NDUFAB1: variants seen among roughly 807,000 people sequenced by gnomAD.
The protein encoded by NDUFAB1 is NADH:ubiquinone oxidoreductase subunit AB1.
A neutral mutation model predicts 16.1 loss-of-function variants in NDUFAB1; 5 were observed. The ratio of observed to expected loss-of-function variants is 0.31; its 90% CI spans 0.16 to 0.65. NDUFAB1 has a LOEUF of 0.65. NDUFAB1 is among the 30% of genes least tolerant of loss of function. The pLI is 0.77. For missense variants in NDUFAB1, 187 were observed against 205.3 expected, an observed-to-expected ratio of 0.91 and a Z score of 0.54; for synonymous variants, 85 against 78.4, an observed-to-expected ratio of 1.08 and a Z score of -0.44.
intron 3 of NDUFAB1, among the ~76,000 whole-genome samples, chr16:23,583,128 G>A (rs2142231245): frequency 6.6e-6 from 1 of 152,380 alleles, no homozygotes; most frequent in South Asian, 2.1e-4. Context: ...GCACAATGTT[G>A]CCCAGGCTGG....
At chr16:23,586,301 C>CA (rs909389273) in intron 2 of NDUFAB1, among the ~76,000 whole-genome samples, 24 of 146,698 alleles carry the variant, frequency 1.6e-4, no homozygotes, top group East Asian at 6.0e-4. Flanking sequence ...AAACCCAAAT[C>CA]AAAAAAAAAA....
intron 3 of NDUFAB1, among the ~76,000 whole-genome samples, chr16:23,585,018 C>T (rs1966221262): frequency 6.6e-6 from 1 of 152,188 alleles, no homozygotes. Context: ...AGCATGTGTT[C>T]CGGGGAGGCT....
chr16:23,590,307 C>G (rs1323074884), intron 1 of NDUFAB1, among the ~76,000 whole-genome samples: 1 of 152,208 alleles, frequency 6.6e-6, no homozygotes, highest in Non-Finnish European at 1.5e-5. Flanking sequence ...AGCTCAGACG[C>G]TGAAACTAGA....
At chr16:23,587,900 C>CT in intron 1 of NDUFAB1, among the ~76,000 whole-genome samples, 1 of 152,384 alleles carries the variant, frequency 6.6e-6, no homozygotes, top group East Asian at 1.9e-4. Context: ...ACATTCCAAT[C>CT]TGTTTCCCTT....
At chr16:23,590,638 C>CTATTTCTTCTTTTT (rs574003194) in intron 1 of NDUFAB1, among the ~76,000 whole-genome samples, 47 of 131,848 alleles carry the variant, frequency 3.6e-4, no homozygotes, top group African/African-American at 1.3e-3. Flanking sequence ...CCTCTGGTCT[C>CTATTTCTTCTTTTT]TTTTTTTTTT....
intron 1 of NDUFAB1, among the ~76,000 whole-genome samples, chr16:23,591,311 T>G (rs1297031553): frequency 6.6e-6 from 1 of 152,216 alleles, no homozygotes; most frequent in Non-Finnish European, 1.5e-5. Flanking sequence ...AAGGTACTGT[T>G]TGCAGGTAAA....
At chr16:23,585,492 G>A in intron 2 of NDUFAB1, 69 bp from the exon 3 acceptor site, 1 of 1,048,692 alleles carries the variant, frequency 9.5e-7, no homozygotes, top group Non-Finnish European at 1.5e-6. Context: ...ATAACAGGGT[G>A]GTACAATGCC....
At chr16:23,582,795 C>T (rs1245543144) in intron 3 of NDUFAB1, among the ~76,000 whole-genome samples, 3 of 149,356 alleles carry the variant, frequency 2.0e-5, no homozygotes, top group African/African-American at 7.4e-5. Flanking sequence ...CTCCCTCTCC[C>T]TCTCCCTCTT....
chr16:23,581,751 T>C (rs1269067304), intron 4 of NDUFAB1: 2 of 152,252 alleles, frequency 1.3e-5, no homozygotes, highest in African/African-American at 4.8e-5. Context: ...CCCAGGTAGG[T>C]CCTATCATTA....
At chr16:23,585,252 T>C in intron 3 of NDUFAB1, 84 bp downstream of exon 3, 1 of 996,758 alleles carries the variant, frequency 1.0e-6, no homozygotes, top group African/African-American at 1.6e-5. Context: ...TAATTCTAAT[T>C]CCAATTCAGA....
intron 1 of NDUFAB1, among the ~76,000 whole-genome samples, chr16:23,592,704 T>G (rs548881424): frequency 6.6e-6 from 1 of 152,350 alleles, no homozygotes; most frequent in East Asian, 1.9e-4. Flanking sequence ...TTTGTTTTTT[T>G]GTTTTTTCCT....
At chr16:23,584,682 A>C (rs1360022881) in intron 3 of NDUFAB1, among the ~76,000 whole-genome samples, 2 of 152,166 alleles carry the variant, frequency 1.3e-5, no homozygotes, top group Non-Finnish European at 2.9e-5. Context: ...TACCTGACTA[A>C]GCTCAATTCC....
rs550147664 is a variant in NDUFAB1, at chr16:23,594,599, G to A, written c.168+1524C>T. On this transcript the variant is annotated intron_variant, in intron 1 of 4. Coordinates refer to ENST00000007516, the MANE Select transcript of NDUFAB1 (RefSeq NM_005003.3). ...GATCGCCTGACCTCGTGATCCGCCC[G>A]CCTCGGCATCCCAAAGTGCTGGGAT... 8.6e-4 allele frequency among the ~76,000 whole-genome samples: 130 copies of A among 151,966 alleles called. 1 individual carries two copies. Among genetic ancestry groups the A allele is most frequent in the African/African-American group, 3.0e-3 (123 of 41,472 alleles).
At chr16:23,587,499 A>T (rs1966244028) in intron 1 of NDUFAB1, among the ~76,000 whole-genome samples, 180 bp from the exon 2 acceptor site, 1 of 152,238 alleles carries the variant, frequency 6.6e-6, no homozygotes, top group African/African-American at 2.4e-5. Context: ...CAGAAGCCCC[A>T]ACAGTTCAGC....
chr16:23,596,057 GC>G, intron 1 of NDUFAB1, 65 bp downstream of exon 1: 3 of 1,534,388 alleles, frequency 2.0e-6, no homozygotes, highest in African/African-American at 1.4e-5. Flanking sequence ...CGGATGCCCG[GC>G]CCCCACCCCC....
chr16:23,581,419 G>A (rs1328724709), intron 4 of NDUFAB1, among the ~76,000 whole-genome samples: 2 of 151,944 alleles, frequency 1.3e-5, no homozygotes, highest in African/African-American at 2.4e-5. Flanking sequence ...GGAGGTGCAC[G>A]CCTGTAATCC....
At chr16:23,582,154 C>T in intron 4 of NDUFAB1, 122 bp downstream of exon 4, 1 of 1,233,810 alleles carries the variant, frequency 8.1e-7, no homozygotes, top group Non-Finnish European at 1.1e-6. Context: ...AAAGGGCTTG[C>T]ATTTTATAAG....
rs545977773 is a variant in NDUFAB1 at position 23,584,978 on chromosome 16, C to T, written c.379+358G>A. On this transcript the variant is annotated intron_variant, in intron 3 of 4. Coordinates refer to ENST00000007516, the MANE Select transcript of NDUFAB1 (RefSeq NM_005003.3). ...CATTACTTCTACCTGGTTCGCGTTA[C>T]CCGAGCTCAGGAGGGGCTGACATGT... 7.9e-5 allele frequency among the ~76,000 whole-genome samples: 12 copies of T among 152,346 alleles called. 1 individual carries two copies. Among genetic ancestry groups the T allele is most frequent in the African/African-American group, 2.6e-4 (11 of 41,584 alleles).
intron 1 of NDUFAB1, among the ~76,000 whole-genome samples, chr16:23,590,487 T>C (rs907065866): frequency 2.6e-5 from 4 of 152,108 alleles, no homozygotes; most frequent in Non-Finnish European, 4.4e-5. Flanking sequence ...GGCTTGGACA[T>C]TGGCTGGCAC....
Sources: allele counts gnomAD v4.1 joint callset (sites outside exome capture counted in the v4.1 genomes callset), GRCh38; gene constraint gnomAD v4.1.1; transcripts MANE v1.5; gene names NCBI Gene and HGNC (gene_info 2026-07-23, HGNC 2026-07-21).